The following LHFPL3 variants were observed in gnomAD, a reference collection of about 807,000 sequenced individuals.
The protein encoded by LHFPL3 is LHFPL tetraspan subfamily member 3.
LHFPL3 carries 5 observed loss-of-function variants against 19.3 expected under a neutral mutation model. That is an observed-to-expected ratio of 0.26 (90% CI 0.14 to 0.54). LHFPL3 has a LOEUF of 0.54. Ranked by LOEUF, LHFPL3 falls within the 20% of genes least tolerant of loss-of-function variation. The pLI, the probability that LHFPL3 is intolerant of heterozygous loss-of-function variation, is 0.94. For synonymous variants in LHFPL3, 133 were observed against 126.2 expected, an observed-to-expected ratio of 1.05 and a Z score of -0.36; for missense variants, 249 against 307.4, an observed-to-expected ratio of 0.81 and a Z score of 1.42.
intron 1 of LHFPL3, among the ~76,000 whole-genome samples, chr7:104,617,639 A>C (rs761950027): frequency 6.6e-6 from 1 of 152,238 alleles, no homozygotes; most frequent in East Asian, 1.9e-4. Context: ...ACAAAGACAC[A>C]TAGTTGTCAA....
intron 2 of LHFPL3, among the ~76,000 whole-genome samples, chr7:104,815,432 C>T (rs952055657): frequency 1.3e-5 from 2 of 152,198 alleles, no homozygotes; most frequent in Non-Finnish European, 2.9e-5. Flanking sequence ...ACACAGTGCT[C>T]ACTTTATAAT....
At chr7:104,384,429 G>A (rs1182707645) in intron 1 of LHFPL3, among the ~76,000 whole-genome samples, 1 of 152,020 alleles carries the variant, frequency 6.6e-6, no homozygotes, top group Non-Finnish European at 1.5e-5. Flanking sequence ...CAAGAACTTG[G>A]GTCAGAGCAG....
chr7:104,530,180 T>C (rs1794268808), intron 1 of LHFPL3, among the ~76,000 whole-genome samples: 1 of 152,196 alleles, frequency 6.6e-6, no homozygotes, highest in Non-Finnish European at 1.5e-5. Flanking sequence ...ACTCAGAGAT[T>C]TCTACTTGGA....
At chr7:104,492,936 T>C (rs1793387011) in intron 1 of LHFPL3, among the ~76,000 whole-genome samples, 1 of 152,202 alleles carries the variant, frequency 6.6e-6, no homozygotes, top group Non-Finnish European at 1.5e-5. Context: ...GATTCTTCTC[T>C]TGAGTCTGTA....
At chr7:104,884,339 C>T (rs1792109000) in intron 2 of LHFPL3, among the ~76,000 whole-genome samples, 1 of 152,178 alleles carries the variant, frequency 6.6e-6, no homozygotes, top group South Asian at 2.1e-4. Flanking sequence ...GCATGTCCTC[C>T]TGAGATAGGC....
At chr7:104,435,039 G>GC (rs1033038462) in intron 1 of LHFPL3, among the ~76,000 whole-genome samples, 13 of 151,804 alleles carry the variant, frequency 8.6e-5, no homozygotes, top group Non-Finnish European at 1.3e-4. Context: ...GTTGTGACCC[G>GC]CCCCCCTTAT....
In LHFPL3 at chr7:104,900,763, C is replaced by T. The variant is rs181077044; in HGVS notation, c.683-5424C>T. On this transcript the variant is annotated intron_variant, in intron 2 of 2. Transcript: ENST00000424859. ...ATAGGGCCATTATAAATGCTGCACT[C>T]ATGAGCAGTGATTCAAATGACAGCT... Among the ~76,000 whole-genome samples, 216 of 152,316 alleles carry T rather than the reference C, an allele frequency of 1.4e-3. 1 individual carries two copies. Among genetic ancestry groups the T allele is most frequent in the Non-Finnish European group, 2.7e-3 (181 of 68,040 alleles).
chr7:104,885,092 C>T (rs553643138), intron 2 of LHFPL3, among the ~76,000 whole-genome samples: 1 of 152,332 alleles, frequency 6.6e-6, no homozygotes, highest in East Asian at 1.9e-4. Context: ...GGAAAACAGA[C>T]CCAGCCACTG....
intron 2 of LHFPL3, among the ~76,000 whole-genome samples, chr7:104,821,312 C>A (rs906818192): frequency 2.6e-5 from 4 of 152,154 alleles, no homozygotes; most frequent in Non-Finnish European, 5.9e-5. Flanking sequence ...CTGACAGCAT[C>A]CTCCTCGTGG....
chr7:104,834,335 G>GA (rs893726157), intron 2 of LHFPL3, among the ~76,000 whole-genome samples: 4 of 146,372 alleles, frequency 2.7e-5, no homozygotes, highest in African/African-American at 5.0e-5. Context: ...AAAATAAAAA[G>GA]AAAAAAAAAA....
chr7:104,520,684 A>T (rs1462252348), intron 1 of LHFPL3, among the ~76,000 whole-genome samples: 2 of 143,276 alleles, frequency 1.4e-5, no homozygotes, highest in Non-Finnish European at 3.1e-5. Flanking sequence ...GGAAGGGTGT[A>T]TGTGTCAAGG....
Position 104,696,126 on chromosome 7 carries a change from T to A in LHFPL3, c.446-40549T>A, listed in dbSNP as rs1390380794. The stretch of plus-strand genomic sequence containing the variant: ...CCACCACGCCCGGCTAATTTTTGTG[T>A]TTTTTAGTAGAGACAGGGTTTCACC... On this transcript the variant is annotated intron_variant, in intron 1 of 2. Coordinates refer to ENST00000424859, the MANE Select transcript of LHFPL3 (RefSeq NM_199000.3). Among the ~76,000 whole-genome samples, 3 of 152,008 alleles carry A rather than the reference T, an allele frequency of 2.0e-5. No individual in the cohort carries two copies. The East Asian group carries it at 5.8e-4, about 29-fold the overall frequency.
At chr7:104,736,482 C>A (rs4730039) in intron 1 of LHFPL3, among the ~76,000 whole-genome samples, 193 bp from the exon 2 acceptor site, 89,421 of 151,270 alleles carry the variant, frequency 0.59, 26,698 homozygotes, top group East Asian at 0.88. Context: ...TAACCAGCAA[C>A]ACACACACGT....
At chr7:104,861,924 TCCACAGG>T (rs1791625807) in intron 2 of LHFPL3, among the ~76,000 whole-genome samples, 1 of 152,162 alleles carries the variant, frequency 6.6e-6, no homozygotes, top group Non-Finnish European at 1.5e-5. Context: ...ATGGCAGGAA[TCCACAGG>T]CTTTGGTGAA....
At chr7:104,545,658 C>G (rs1487912371) in intron 1 of LHFPL3, among the ~76,000 whole-genome samples, 1 of 152,188 alleles carries the variant, frequency 6.6e-6, no homozygotes, top group African/African-American at 2.4e-5. Context: ...CTATGTGCAA[C>G]CCCTTGAGAT....
chr7:104,669,182 A>G, intron 1 of LHFPL3: 1 of 1,613,890 alleles, frequency 6.2e-7, no homozygotes. Context: ...CCACCAAAGG[A>G]GAATGCTTGG....
At chr7:104,543,691 C>A (rs1042470051) in intron 1 of LHFPL3, among the ~76,000 whole-genome samples, 3 of 141,268 alleles carry the variant, frequency 2.1e-5, no homozygotes, top group African/African-American at 8.0e-5. Context: ...CACATGTTCT[C>A]ACTCATAGGT....
At chr7:104,366,606 A>T (rs1476521802) in intron 1 of LHFPL3, among the ~76,000 whole-genome samples, 1 of 152,146 alleles carries the variant, frequency 6.6e-6, no homozygotes, top group African/African-American at 2.4e-5. Context: ...TTTCTCTATG[A>T]CTGACTTCAC....
At chr7:104,688,308 A>T (rs1233908873) in intron 1 of LHFPL3, among the ~76,000 whole-genome samples, 2 of 152,190 alleles carry the variant, frequency 1.3e-5, no homozygotes, top group African/African-American at 2.4e-5. Context: ...GCCCTGAGTG[A>T]AAGTCTTAAC....
Sources: allele counts gnomAD v4.1 joint callset (sites outside exome capture counted in the v4.1 genomes callset), GRCh38; gene constraint gnomAD v4.1.1; transcripts MANE v1.5; gene names NCBI Gene and HGNC (gene_info 2026-07-23, HGNC 2026-07-21).